Variants in ASTN2 observed in about 807,000 individuals in gnomAD.
ASTN2 encodes astrotactin 2.
Under a neutral mutation model 139.8 loss-of-function variants are expected in ASTN2, and 54 were observed. That is an observed-to-expected ratio of 0.39 (90% CI 0.31 to 0.48). ASTN2 has a LOEUF of 0.48. ASTN2 is among the 20% of genes least tolerant of loss of function. The probability of loss-of-function intolerance (pLI) is 0.95; values close to 1 mark genes in which losing one functional copy is unlikely to be tolerated. For missense variants in ASTN2, 1,565 were observed against 1,725.1 expected (o/e 0.91, Z 1.64); for synonymous variants, 756 against 719.5 (o/e 1.05, Z -0.81).
intron 13 of ASTN2, among the ~76,000 whole-genome samples, chr9:116,746,713 T>C (rs888504397): frequency 6.6e-6 from 1 of 152,202 alleles, no homozygotes; most frequent in African/African-American, 2.4e-5. Context: ...TCTTTTCATT[T>C]GGGAGTTAGA....
intron 4 of ASTN2, among the ~76,000 whole-genome samples, chr9:117,118,282 C>T (rs547798410): frequency 6.6e-6 from 1 of 152,292 alleles, no homozygotes; most frequent in South Asian, 2.1e-4. Context: ...AAGACAGCTA[C>T]TGGCCCAGTT....
intron 3 of ASTN2, chr9:117,180,937 G>A: frequency 1.3e-6 from 2 of 1,596,492 alleles, no homozygotes; most frequent in South Asian, 2.2e-5. Context: ...GGTGTGGATG[G>A]ACATGATAAC....
chr9:116,817,381 C>T (rs1240804800), intron 12 of ASTN2, among the ~76,000 whole-genome samples: 1 of 152,002 alleles, frequency 6.6e-6, no homozygotes, highest in East Asian at 1.9e-4. Context: ...CCTCTTAGGG[C>T]TCAGAGAAGG....
At chr9:116,840,737 A>T (rs557658872) in intron 11 of ASTN2, among the ~76,000 whole-genome samples, 177 of 142,840 alleles carry the variant, frequency 1.2e-3, no homozygotes, top group Admixed American at 4.9e-3. Context: ...CACATCCCGG[A>T]CGGGGCGGCA....
rs533252698 is a variant in ASTN2, at chr9:116,614,435, A to G, written c.3355+3889T>C. ...GCCAAGACAATCCTAAGTAAAAAGA[A>G]CAAAGCTGGAGGCATCACACTACCT... On this transcript the variant is annotated intron_variant, in intron 19 of 22. Transcript: ENST00000313400. 3.1e-4 allele frequency among the ~76,000 whole-genome samples: 47 copies of G among 152,308 alleles called. 1 individual carries two copies. Among genetic ancestry groups the G allele is most frequent in the African/African-American group, 1.0e-3 (43 of 41,582 alleles).
intron 14 of ASTN2, among the ~76,000 whole-genome samples, chr9:116,729,466 T>G (rs567997344): frequency 6.6e-6 from 1 of 152,210 alleles, no homozygotes; most frequent in Non-Finnish European, 1.5e-5. Flanking sequence ...TTCGTAGGCA[T>G]GTTGTGAGGC....
intron 10 of ASTN2, among the ~76,000 whole-genome samples, chr9:116,883,314 C>A (rs1833501814): frequency 6.6e-6 from 1 of 152,066 alleles, no homozygotes; most frequent in African/African-American, 2.4e-5. Flanking sequence ...AATGCACATG[C>A]CCATATAATC....
chr9:116,923,504 G>C (rs1834670163), intron 10 of ASTN2, among the ~76,000 whole-genome samples: 1 of 152,220 alleles, frequency 6.6e-6, no homozygotes, highest in South Asian at 2.1e-4. Flanking sequence ...TCCATTTGAA[G>C]TTATGAGAAA....
At chr9:117,172,859 T>C (rs954320391) in intron 3 of ASTN2, among the ~76,000 whole-genome samples, 8 of 152,168 alleles carry the variant, frequency 5.3e-5, no homozygotes, top group Admixed American at 5.2e-4. Flanking sequence ...GGAGCTTTCA[T>C]TAGGAATCTT....
Position 117,414,899 on chromosome 9 carries a change from A to AGCCGGG in ASTN2, c.34_39dup (p.Pro12_Gly13dup), listed in dbSNP as rs1831288703. The AGCCGGG allele has an allele frequency of 9.8e-6, 7 of 711,832 alleles. No individual in the cohort carries two copies. Among genetic ancestry groups the AGCCGGG allele is most frequent in the African/African-American group, 2.0e-5 (1 of 50,470 alleles). The allele number at this position is 711,832 out of a possible 1,614,324, so 44.1% of individuals were successfully genotyped here. A position where few individuals can be genotyped will look rare whatever the true frequency, so the allele number is the denominator to read the frequency against. On this transcript the variant is annotated inframe_insertion, in exon 1 of 23. Transcript: ENST00000313400. The surrounding 1 kb of genome is among the most constrained non-coding windows in gnomAD (Gnocchi z 4.2). Reference sequence around the variant, plus strand: ...AGCCTCGGCCGCCCCCGGAGCCCCGAGCCGGGGCCGGGGCTGAGCCGGGCG... The same window carrying AGCCGGG: ...AGCCTCGGCCGCCCCCGGAGCCCCGAGCCGGGGCCGGGGCCGGGGCTGAGCCGGGCG...
At chr9:116,687,682 G>A (rs1860338111) in intron 16 of ASTN2, among the ~76,000 whole-genome samples, 1 of 151,972 alleles carries the variant, frequency 6.6e-6, no homozygotes, top group South Asian at 2.1e-4. Flanking sequence ...TCGGGGCCCT[G>A]AGGAGGAACG....
chr9:117,133,131 T>C (rs757883128), intron 4 of ASTN2, among the ~76,000 whole-genome samples: 6 of 152,196 alleles, frequency 3.9e-5, no homozygotes, highest in African/African-American at 7.2e-5. Context: ...TTTTCAATTG[T>C]ATGTATCATC....
chr9:117,093,056 G>A (rs1318056506), intron 5 of ASTN2, among the ~76,000 whole-genome samples: 1 of 152,148 alleles, frequency 6.6e-6, no homozygotes, highest in African/African-American at 2.4e-5. Flanking sequence ...CCAATAACAG[G>A]AGATTCTCAG....
chr9:116,928,556 C>A (rs1363567707), intron 10 of ASTN2, among the ~76,000 whole-genome samples: 1 of 152,088 alleles, frequency 6.6e-6, no homozygotes, highest in African/African-American at 2.4e-5. Context: ...GATTGCTGGG[C>A]ACTGCTTTGG....
At chr9:117,098,891 T>C (rs1373352192) in intron 4 of ASTN2, among the ~76,000 whole-genome samples, 1 of 151,960 alleles carries the variant, frequency 6.6e-6, no homozygotes, top group Non-Finnish European at 1.5e-5. Context: ...GCAGATTGCC[T>C]GAGTTCAGGA....
At chr9:116,939,643 C>T (rs1381869326) in intron 10 of ASTN2, among the ~76,000 whole-genome samples, 3 of 152,026 alleles carry the variant, frequency 2.0e-5, no homozygotes, top group African/African-American at 7.2e-5. Context: ...GCTAATCACA[C>T]ACACATGCAA....
rs1281960539 is a variant in ASTN2, at chr9:116,470,841, A to G, written c.3497+16518T>C. ...CATGATTCTTGCCTCTAAAAATGGC[A>G]TATTTCATAATGCCAATGCTTTATG... On this transcript the variant is annotated intron_variant, in intron 20 of 22. Coordinates refer to ENST00000313400, the MANE Select transcript of ASTN2 (RefSeq NM_001365068.1). 3.3e-5 allele frequency among the ~76,000 whole-genome samples: 5 copies of G among 152,296 alleles called. No homozygotes were observed. In the East Asian group the frequency reaches 7.7e-4, roughly 24 times the overall value.
chr9:117,124,105 C>G (rs891918338), intron 4 of ASTN2, among the ~76,000 whole-genome samples: 1 of 152,178 alleles, frequency 6.6e-6, no homozygotes, highest in Non-Finnish European at 1.5e-5. Context: ...CTCCAGGTCT[C>G]AGTTTCTCAC....
intron 13 of ASTN2, among the ~76,000 whole-genome samples, chr9:116,775,292 A>G (rs1830052350): frequency 6.6e-6 from 1 of 151,974 alleles, no homozygotes; most frequent in Admixed American, 6.6e-5. Flanking sequence ...AATGAAATTA[A>G]TTTAATGTGG....
Sources: gnomAD v4.1 joint callset for allele counts (sites outside exome capture counted in the v4.1 genomes callset) on GRCh38, gnomAD v4.1.1 for gene constraint, Gnocchi (gnomAD v3.1) non-coding constraint, MANE v1.5 for transcripts, NCBI Gene and HGNC (gene_info 2026-07-23, HGNC 2026-07-21) for gene names.